The following KLRG1 variants were observed in gnomAD, a reference collection of about 807,000 sequenced individuals.
KLRG1 encodes killer cell lectin-like receptor subfamily G member 1.
Under a neutral mutation model 21.8 loss-of-function variants are expected in KLRG1, and 16 were observed. The ratio of observed to expected loss-of-function variants is 0.73; its 90% CI spans 0.50 to 1.11. The LOEUF (loss-of-function observed/expected upper bound fraction) is 1.11, where lower values mean the gene tolerates loss of function less well. Among genes scored for constraint, KLRG1 ranks in the 50% most tolerant of loss-of-function variants. The probability of loss-of-function intolerance (pLI) is 0.00; values close to 1 mark genes in which losing one functional copy is unlikely to be tolerated. For missense variants in KLRG1, 173 were observed against 218.3 expected, an observed-to-expected ratio of 0.79 and a Z score of 1.31; for synonymous variants, 69 against 75.9, an observed-to-expected ratio of 0.91 and a Z score of 0.47.
chr12:9,119,227 TG>T, the KLRG1 span, among the ~76,000 whole-genome samples: 1 of 152,218 alleles, frequency 6.6e-6, no homozygotes, highest in Non-Finnish European at 1.5e-5. Context: ...ATAATTTAAA[TG>T]GTTTCTAAGA....
chr12:8,995,710 T>C (rs752567176), intron 3 of KLRG1, among the ~76,000 whole-genome samples: 1 of 145,778 alleles, frequency 6.9e-6, no homozygotes, highest in African/African-American at 2.6e-5. Flanking sequence ...TTTGACAGAG[T>C]CTCCCTCTGT....
the KLRG1 span, among the ~76,000 whole-genome samples, chr12:9,143,509 G>C: frequency 3.9e-3 from 595 of 152,218 alleles, 6 homozygotes; most frequent in South Asian, 0.025. Context: ...TTCAGAGGAA[G>C]GAGAAACCTG....
intron 1 of KLRG1, among the ~76,000 whole-genome samples, chr12:8,952,948 T>C (rs1479737861): frequency 6.6e-6 from 1 of 152,154 alleles, no homozygotes; most frequent in Non-Finnish European, 1.5e-5. Flanking sequence ...TGGCCACTTG[T>C]TTTGTAGAAT....
chr12:9,117,637 A>C, the KLRG1 span, among the ~76,000 whole-genome samples: 5 of 152,114 alleles, frequency 3.3e-5, no homozygotes, highest in African/African-American at 1.2e-4. Flanking sequence ...AAGATGGAGT[A>C]AGTGCTTGTG....
At chr12:9,142,159 A>G in the KLRG1 span, among the ~76,000 whole-genome samples, 1 of 152,174 alleles carries the variant, frequency 6.6e-6, no homozygotes, top group Non-Finnish European at 1.5e-5. Context: ...CTTTTCTTTA[A>G]TATCAAAGAT....
chr12:8,953,597 GTCTGCC>G (rs1444774220), intron 1 of KLRG1, among the ~76,000 whole-genome samples: 11 of 152,176 alleles, frequency 7.2e-5, no homozygotes, highest in Non-Finnish European at 1.3e-4. Flanking sequence ...CTAGGCATTT[GTCTGCC>G]TCCTGCGGCT....
the KLRG1 span, chr12:9,113,285 C>T: frequency 6.6e-7 from 1 of 1,505,458 alleles, no homozygotes. Flanking sequence ...CCCAAAGCCT[C>T]ATCTGACAGA....
intron 3 of KLRG1, among the ~76,000 whole-genome samples, chr12:9,004,001 A>C (rs1278431805): frequency 6.6e-6 from 1 of 151,574 alleles, no homozygotes; most frequent in Non-Finnish European, 1.5e-5. Flanking sequence ...ATGATTTCCA[A>C]TTTCATCCAT....
At chr12:9,197,976 T>C in the KLRG1 span, among the ~76,000 whole-genome samples, 1 of 135,154 alleles carries the variant, frequency 7.4e-6, no homozygotes, top group Non-Finnish European at 1.5e-5. Context: ...TATATATTAA[T>C]ATATATTATA....
the KLRG1 span, chr12:9,072,861 A>G: frequency 6.2e-7 from 1 of 1,613,694 alleles, no homozygotes; most frequent in Non-Finnish European, 8.5e-7. Flanking sequence ...ATGGAGAGCC[A>G]CCACTGTGTC....
the KLRG1 span, chr12:9,070,683 G>T: frequency 1.4e-6 from 1 of 739,766 alleles, no homozygotes. Context: ...GTACACGTAA[G>T]TCTTCCCAAA....
chr12:8,956,320 G>A (rs1046660093), intron 1 of KLRG1, among the ~76,000 whole-genome samples: 5 of 152,182 alleles, frequency 3.3e-5, no homozygotes, highest in Admixed American at 6.5e-5. Context: ...GCCCCCGTTC[G>A]GCAAAGCTTG....
chr12:9,038,244 G>A, the KLRG1 span, among the ~76,000 whole-genome samples: 2 of 151,976 alleles, frequency 1.3e-5, no homozygotes, highest in African/African-American at 4.8e-5. Context: ...CTGGGCAACT[G>A]AGCAAGACCC....
At chr12:9,089,244 C>G in the KLRG1 span, 1 of 1,585,964 alleles carries the variant, frequency 6.3e-7, no homozygotes, top group Non-Finnish European at 8.6e-7. Context: ...CTTCTCTAGT[C>G]CTTCAGGCTT....
At chr12:9,111,815 G>GA in the KLRG1 span, among the ~76,000 whole-genome samples, 74 of 152,224 alleles carry the variant, frequency 4.9e-4, no homozygotes, top group African/African-American at 1.7e-3. Context: ...GATGTGTATA[G>GA]AAAAAATCTA....
chr12:9,131,264 A>G, the KLRG1 span, among the ~76,000 whole-genome samples: 1 of 152,254 alleles, frequency 6.6e-6, no homozygotes, highest in South Asian at 2.1e-4. Flanking sequence ...GCTATTTCAG[A>G]TTCCTCGAGA....
At chr12:9,097,866 C>G in the KLRG1 span, among the ~76,000 whole-genome samples, 1 of 152,180 alleles carries the variant, frequency 6.6e-6, no homozygotes, top group East Asian at 1.9e-4. Context: ...CTCCTGATCT[C>G]AAGTTATCTG....
the KLRG1 span, among the ~76,000 whole-genome samples, chr12:9,015,945 A>G: frequency 6.6e-6 from 1 of 152,208 alleles, no homozygotes; most frequent in African/African-American, 2.4e-5. Context: ...AGGAAGTTAA[A>G]AAACTTCTGA....
At chr12:9,091,467 G>A in the KLRG1 span, 2 of 1,603,060 alleles carry the variant, frequency 1.2e-6, no homozygotes, top group Admixed American at 3.3e-5. Flanking sequence ...AAAGTAAGCA[G>A]TTAAATACAT....
Sources: allele counts gnomAD v4.1 joint callset (sites outside exome capture counted in the v4.1 genomes callset), GRCh38; gene constraint gnomAD v4.1.1; transcripts MANE v1.5; gene names NCBI Gene and HGNC (gene_info 2026-07-23, HGNC 2026-07-21).